Variants in NLRP8 observed in about 807,000 individuals in gnomAD.
NLRP8 encodes NACHT, LRR and PYD domains-containing protein 8.
NLRP8 carries 86 observed loss-of-function variants against 88.7 expected under a neutral mutation model. The observed-to-expected ratio is 0.97, with a 90% CI of 0.81 to 1.16. The LOEUF is 1.16. NLRP8 is among the 50% of genes most tolerant of loss of function. The pLI is 0.00. For synonymous variants in NLRP8, 504 were observed against 494.6 expected (o/e 1.02, Z -0.25); for missense variants, 1,342 against 1,286.5 (o/e 1.04, Z -0.66).
intron 5 of NLRP8, among the ~76,000 whole-genome samples, chr19:55,968,950 C>T (rs306491): frequency 0.36 from 55,221 of 151,712 alleles, 10,663 homozygotes; most frequent in Non-Finnish European, 0.43. Flanking sequence ...TCCCACTCCT[C>T]GCTCAGTGAC....
Position 55,955,228 on chromosome 19 carries a change from CT to C in NLRP8, c.1171del (p.Ser391ProfsTer16), listed in dbSNP as rs779875011. 21 of 1,614,092 alleles carry C rather than the reference CT, an allele frequency of 1.3e-5. No homozygotes were observed. Among genetic ancestry groups the C allele is most frequent in the Non-Finnish European group, 1.8e-5 (21 of 1,180,054 alleles). ...TCGCCATGGAAAACACCATTCTCTTCTCCATGTGCCGGGTCCCTGTGGTTTG... is the reference window on the plus strand; with the variant it reads ...TCGCCATGGAAAACACCATTCTCTTCCCATGTGCCGGGTCCCTGTGGTTTG... On this transcript the variant is annotated frameshift_variant, in exon 3 of 10. Transcript: ENST00000291971. LOFTEE classifies it high-confidence loss of function.
intron 7 of NLRP8, among the ~76,000 whole-genome samples, chr19:55,975,090 T>C (rs781390613): frequency 1.2e-4 from 19 of 152,148 alleles, no homozygotes; most frequent in Non-Finnish European, 1.9e-4. Context: ...GGCTTTTGTT[T>C]GTTTGCTCTA....
At chr19:55,956,221 A>G (rs1979351587) in intron 3 of NLRP8, 121 bp downstream of exon 3, 5 of 1,013,112 alleles carry the variant, frequency 4.9e-6, no homozygotes, top group Admixed American at 2.5e-5. Context: ...CCTAGTTTGC[A>G]CAGTACTTCT....
chr19:55,969,539 C>A (rs1037858127), intron 5 of NLRP8, among the ~76,000 whole-genome samples: 3 of 152,132 alleles, frequency 2.0e-5, no homozygotes, highest in Non-Finnish European at 2.9e-5. Context: ...CATATCTTTG[C>A]AATTGTGAAT....
Position 55,954,515 on chromosome 19 carries a change from T to A in NLRP8, c.457T>A (p.Tyr153Asn). 6.2e-7 allele frequency: 1 copy of A among 1,613,728 alleles called. No individual in the cohort carries two copies. The highest frequency in any genetic ancestry group is 1.1e-5 in the South Asian group (1 of 90,996). The change falls in exon 3 of 10, where the codon TAT (tyrosine) becomes AAT (asparagine). Residue 153 changes from tyrosine (Y) to asparagine (N), a missense_variant. Tyr to Asn is a moderately radical substitution (Grantham distance 143). Transcript: ENST00000291971. ...CACAAATCTAGGTAAAATACGGCGG[T>A]ATAAATCGAATGTGATGGAAAAGTT...
chr19:55,986,444 T>TCACACACACA (rs1980822219), intron 9 of NLRP8, among the ~76,000 whole-genome samples: 1 of 55,080 alleles, frequency 1.8e-5, no homozygotes, highest in Non-Finnish European at 3.9e-5. Flanking sequence ...ACACATGCAC[T>TCACACACACA]CTCTCTCTCA....
rs1979140821 is a variant in NLRP8 at position 55,952,539 on chromosome 19, C to T, written c.369C>T (p.Ala123=). Residue 123 remains alanine, a splice_region_variant and synonymous_variant, in exon 2 of 10, where the codon GCC becomes GCT. Transcript: ENST00000291971. The stretch of plus-strand genomic sequence containing the variant: ...ACAGCCTCCTTTTTTCTGTTACAGC[C>T]ATTCTGCCTACCTTGGAACCAGAGG... The T allele has an allele frequency of 6.2e-7, 1 of 1,613,376 alleles. No homozygotes were observed.
chr19:55,982,306 G>A (rs1980608338), intron 9 of NLRP8, among the ~76,000 whole-genome samples: 1 of 152,142 alleles, frequency 6.6e-6, no homozygotes, highest in African/African-American at 2.4e-5. Flanking sequence ...ATACCCCAAA[G>A]AAATCAGTAA....
At chr19:55,972,367 G>A (rs147508567) in intron 6 of NLRP8, among the ~76,000 whole-genome samples, 1,677 of 151,442 alleles carry the variant, frequency 0.011, 36 homozygotes, top group African/African-American at 0.034. Context: ...CACCTGCCTC[G>A]ACCTCCCAAA....
chr19:55,972,840 A>T (rs1023014973), intron 6 of NLRP8, among the ~76,000 whole-genome samples: 12 of 126,858 alleles, frequency 9.5e-5, no homozygotes, highest in Non-Finnish European at 1.6e-4. Context: ...TGTGTGTGTG[A>T]CATTTTCTTT....
At chr19:55,963,024 C>G (rs1043953841) in intron 4 of NLRP8, among the ~76,000 whole-genome samples, 19 of 151,866 alleles carry the variant, frequency 1.3e-4, no homozygotes, top group African/African-American at 4.1e-4. Context: ...TTATCCCCCC[C>G]CTTTTTTAAA....
chr19:55,950,354 G>A (rs1979037345), intron 1 of NLRP8, among the ~76,000 whole-genome samples: 1 of 151,988 alleles, frequency 6.6e-6, no homozygotes, highest in African/African-American at 2.4e-5. Flanking sequence ...AGGAGGCAGA[G>A]GTTGCAGAGG....
intron 1 of NLRP8, among the ~76,000 whole-genome samples, chr19:55,948,852 C>T (rs1254149844): frequency 6.6e-6 from 1 of 152,208 alleles, no homozygotes; most frequent in Non-Finnish European, 1.5e-5. Flanking sequence ...GCTATGGAAA[C>T]AGCAGAAGAC....
chr19:55,979,550 A>C lies in NLRP8; in HGVS notation c.3033A>C (p.Arg1011Ser). The C allele has an allele frequency of 6.2e-7, 1 of 1,614,182 alleles. No individual in the cohort carries two copies. Among genetic ancestry groups the C allele is most frequent in the Non-Finnish European group, 8.5e-7 (1 of 1,180,030 alleles). Residue 1011 changes from arginine to serine, a missense_variant, in exon 9 of 10, where the codon AGA (arginine) becomes AGC (serine). Transcript: ENST00000291971. ...AGGCCTTCTCAAGCCAAAAGAAGAG[A>C]GAAGAGGTCATTTTGTAAGTCTCCA...
intron 9 of NLRP8, among the ~76,000 whole-genome samples, chr19:55,984,515 G>A (rs191652002): frequency 0.042 from 6,371 of 150,962 alleles, 203 homozygotes; most frequent in Non-Finnish European, 0.064. Flanking sequence ...TTAGCCAGGC[G>A]TGGTGGTGCA....
In NLRP8 at chr19:55,954,569, C is replaced by G. The variant is rs1252448189; in HGVS notation, c.511C>G (p.Pro171Ala). ...CCCCATATGGGACATTACGACTTGG[C>G]CTGGAAACCAGAGGGACTTCTTCTA... The change falls in exon 3 of 10, where the codon CCT (proline) becomes GCT (alanine). Residue 171 changes from proline (P) to alanine (A), a missense_variant. By Grantham distance (27) the Pro-to-Ala change is conservative. Transcript: ENST00000291971. 1.2e-6 allele frequency: 2 copies of G among 1,614,034 alleles called. No homozygotes were observed. Among genetic ancestry groups the G allele is most frequent in the Non-Finnish European group, 8.5e-7 (1 of 1,180,036 alleles).
intron 4 of NLRP8, 128 bp downstream of exon 4, chr19:55,962,365 G>T: frequency 2.0e-6 from 2 of 1,016,204 alleles, no homozygotes; most frequent in South Asian, 1.7e-5. Context: ...TTGGACGGAG[G>T]TGCAGGAGGA....
intron 3 of NLRP8, among the ~76,000 whole-genome samples, chr19:55,961,727 G>A (rs959168054): frequency 1.3e-5 from 2 of 152,214 alleles, no homozygotes; most frequent in African/African-American, 4.8e-5. Context: ...GAGCCTGGGA[G>A]TTAGAGGCTG....
At chr19:55,978,332 A>T (rs375321128) in intron 8 of NLRP8, among the ~76,000 whole-genome samples, 50 of 152,294 alleles carry the variant, frequency 3.3e-4, no homozygotes, top group African/African-American at 1.2e-3. Flanking sequence ...AACTTGGCTC[A>T]GTGTAAAATT....
Sources: allele counts gnomAD v4.1 joint callset (sites outside exome capture counted in the v4.1 genomes callset), GRCh38; gene constraint gnomAD v4.1.1; transcripts MANE v1.5; gene names NCBI Gene and HGNC (gene_info 2026-07-23, HGNC 2026-07-21).